The following TTYH3 variants were observed in gnomAD, a reference collection of about 807,000 sequenced individuals.
TTYH3 encodes the protein protein tweety homolog 3.
A neutral mutation model predicts 68.2 loss-of-function variants in TTYH3; 23 were observed. The observed-to-expected ratio is 0.34, with a 90% CI of 0.24 to 0.48. The LOEUF (loss-of-function observed/expected upper bound fraction) is 0.48, where lower values mean the gene tolerates loss of function less well. TTYH3 is among the 20% of genes least tolerant of loss of function. The pLI is 0.99. For missense variants in TTYH3, 768 were observed against 727.7 expected (o/e 1.06, Z -0.64); for synonymous variants, 360 against 332.8 (o/e 1.08, Z -0.89).
chr7:2,640,565 C>T (rs1785813327), intron 1 of TTYH3, among the ~76,000 whole-genome samples: 1 of 152,228 alleles, frequency 6.6e-6, no homozygotes, highest in African/African-American at 2.4e-5. Flanking sequence ...AGGCAGTGTG[C>T]CCTGCCCTGC....
chr7:2,632,418 A>C, intron 1 of TTYH3, 140 bp downstream of exon 1: 1 of 871,794 alleles, frequency 1.1e-6, no homozygotes, highest in Non-Finnish European at 1.6e-6. Context: ...TCCTCCTCGC[A>C]GGTACCGGCC....
chr7:2,634,963 T>A (rs1785619308), intron 1 of TTYH3, among the ~76,000 whole-genome samples: 2 of 151,564 alleles, frequency 1.3e-5, no homozygotes, highest in Non-Finnish European at 2.9e-5. Context: ...GATTAGAAGC[T>A]GATGGGGGCT....
At position 2,645,722 on chromosome 7, in the gene TTYH3, C is replaced by T. The variant is rs1785961474; in HGVS notation, c.124-1131C>T. 4.3e-6 allele frequency: 2 copies of T among 465,588 alleles called. No individual in the cohort carries two copies. The highest frequency in any genetic ancestry group is 8.9e-6 in the Non-Finnish European group (2 of 224,112). The allele number at this position is 465,588 out of a possible 1,614,324, so 28.8% of individuals were successfully genotyped here. Reference sequence around the variant, plus strand: ...AGTGCAGCTTCTCGGTGCACAGACCCCAGACAGGATCAGACTCCTGATGGG... The same window carrying T: ...AGTGCAGCTTCTCGGTGCACAGACCTCAGACAGGATCAGACTCCTGATGGG... On this transcript the variant is annotated intron_variant, in intron 1 of 13. Transcript: ENST00000258796. This position sits in a 1 kb window ranked among gnomAD's most constrained non-coding sequence, Gnocchi z 4.8.
In TTYH3 at chr7:2,655,787, G is replaced by A. The variant is rs368185938; in HGVS notation, c.1021-305G>A. 1.5e-4 allele frequency among the ~76,000 whole-genome samples: 23 copies of A among 152,310 alleles called. No homozygotes were observed. The South Asian group carries it at 4.6e-3, about 30-fold the overall frequency. On this transcript the variant is annotated intron_variant, in intron 9 of 13. Coordinates refer to ENST00000258796, the MANE Select transcript of TTYH3 (RefSeq NM_025250.3). ...CGTGTCAGTAGACACGTGGGGGTTC[G>A]CTGTTTCTCCCATTACAATAAAGGG...
chr7:2,650,198 G>T (rs977894948), intron 7 of TTYH3, among the ~76,000 whole-genome samples: 1 of 152,234 alleles, frequency 6.6e-6, no homozygotes, highest in Non-Finnish European at 1.5e-5. Context: ...GTGGGGTGGC[G>T]GGTGCCCGCG....
Position 2,659,661 on chromosome 7 carries a change from C to T in TTYH3, c.1500+646C>T, listed in dbSNP as rs573521424. Among the ~76,000 whole-genome samples, 14 of 152,226 alleles carry T rather than the reference C, an allele frequency of 9.2e-5. 1 individual carries two copies. The highest frequency in any genetic ancestry group is 4.1e-4 in the South Asian group (2 of 4,828). ...ACCGGGGAGGGGGCGGCCGGGCTAC[C>T]AGGACAGGGCTTGGGAGGCCGAAGG... On this transcript the variant is annotated intron_variant, in intron 13 of 13. Coordinates refer to ENST00000258796, the MANE Select transcript of TTYH3 (RefSeq NM_025250.3).
At chr7:2,648,102 G>C in intron 5 of TTYH3, 48 bp downstream of exon 5, 1 of 1,556,480 alleles carries the variant, frequency 6.4e-7, no homozygotes, top group Non-Finnish European at 8.7e-7. Context: ...CGGAGGGGCA[G>C]GGCAAGGCAC....
rs1378830012 is a variant in TTYH3 at position 2,648,757 on chromosome 7, G to T, written c.722+703G>T. Among the ~76,000 whole-genome samples, 3 of 144,844 alleles carry T rather than the reference G, an allele frequency of 2.1e-5. 1 individual carries two copies. The highest frequency in any genetic ancestry group is 4.5e-5 in the Non-Finnish European group (3 of 66,784). ...GTGTGAAGGCCTGCAGTAGGGTGGT[G>T]GGGGGGGGTGCAGCTTCACGCTGTG... On this transcript the variant is annotated intron_variant, in intron 5 of 13. Transcript: ENST00000258796.
In TTYH3 at chr7:2,645,664, G is replaced by C; in HGVS notation, c.124-1189G>C. 2 of 403,256 alleles carry C rather than the reference G, an allele frequency of 5.0e-6. No homozygotes were observed. Among genetic ancestry groups the C allele is most frequent in the Non-Finnish European group, 1.0e-5 (2 of 193,036 alleles). 25.0% of individuals were successfully genotyped at this position (403,256 alleles called of 1,614,324 possible). Reference sequence around the variant, plus strand: ...GGCCAGCCCCACCATCTCATCCAGCGTGGGGGCACGCCATGGACGGTGCCC... The same window carrying C: ...GGCCAGCCCCACCATCTCATCCAGCCTGGGGGCACGCCATGGACGGTGCCC... On this transcript the variant is annotated intron_variant, in intron 1 of 13. Transcript: ENST00000258796. This position sits in a 1 kb window ranked among gnomAD's most constrained non-coding sequence, Gnocchi z 4.8.
At chr7:2,649,827 G>T in intron 6 of TTYH3, 86 bp from the exon 7 acceptor site, 1 of 1,519,902 alleles carries the variant, frequency 6.6e-7, no homozygotes, top group South Asian at 1.2e-5. Context: ...GTTGAAAGCA[G>T]ACTCCAGGGG....
At chr7:2,656,008 T>TG in intron 9 of TTYH3, 84 bp from the exon 10 acceptor site, 2 of 1,123,572 alleles carry the variant, frequency 1.8e-6, no homozygotes, top group Non-Finnish European at 2.6e-6. Flanking sequence ...GAGGGAGACC[T>TG]GGGGGCTTCC....
intron 13 of TTYH3, among the ~76,000 whole-genome samples, chr7:2,659,604 C>G (rs1403632159): frequency 6.6e-6 from 1 of 152,118 alleles, no homozygotes; most frequent in Admixed American, 6.5e-5. Context: ...GACAGGGTGC[C>G]GAAGAGAAGG....
In TTYH3 at chr7:2,658,928, C is replaced by T. The variant is rs967679311; in HGVS notation, c.1425-12C>T. ...AGCAGGCACTCACAGCCTCTCTCCC[C>T]TCATGCCTCAGGAGCCAGAACGCTA... On this transcript the variant is annotated splice_polypyrimidine_tract_variant and intron_variant, in intron 12 of 13. Transcript: ENST00000258796. 6.2e-7 allele frequency: 1 copy of T among 1,613,866 alleles called. No homozygotes were observed. Among genetic ancestry groups the T allele is most frequent in the Non-Finnish European group, 8.5e-7 (1 of 1,179,790 alleles).
At chr7:2,634,151 T>C (rs1785596577) in intron 1 of TTYH3, among the ~76,000 whole-genome samples, 9 of 152,160 alleles carry the variant, frequency 5.9e-5, no homozygotes, top group Admixed American at 5.9e-4. Context: ...CCGGCCTGCC[T>C]CCATCCCCCG....
intron 7 of TTYH3, among the ~76,000 whole-genome samples, chr7:2,650,212 C>G (rs116416585): frequency 8.7e-4 from 133 of 152,296 alleles, no homozygotes; most frequent in African/African-American, 3.1e-3. Context: ...GCCCGCGTGG[C>G]AGGGGGAGCG....
rs566726381 is a variant in TTYH3, at chr7:2,659,326, G to A, written c.1500+311G>A. Among the ~76,000 whole-genome samples, 12 of 152,312 alleles carry A rather than the reference G, an allele frequency of 7.9e-5. No homozygotes were observed. In the East Asian group the frequency reaches 2.1e-3, roughly 27 times the overall value. ...AGCTCTCAGGCCCTTTCCTGGGGAA[G>A]GAGAGTGGGTGGGCGGGCAGATGTG... On this transcript the variant is annotated intron_variant, in intron 13 of 13. Transcript: ENST00000258796.
intron 7 of TTYH3, 95 bp from the exon 8 acceptor site, chr7:2,652,091 AT>A: frequency 9.6e-7 from 1 of 1,038,412 alleles, no homozygotes; most frequent in Non-Finnish European, 1.5e-6. Context: ...ATGCACGCAG[AT>A]GCCCTGAAGA....
chr7:2,652,252 T>C lies in TTYH3; in HGVS notation c.927+10T>C. 1 of 1,610,932 alleles carries C rather than the reference T, an allele frequency of 6.2e-7. No individual in the cohort carries two copies. Among genetic ancestry groups the C allele is most frequent in the Non-Finnish European group, 8.5e-7 (1 of 1,179,752 alleles). ...CAACCCCTTCCAGCAGGTGAGAGCC[T>C]GGGAGGCCGGGACTGGGCTTCAGGA... On this transcript the variant is annotated intron_variant, in intron 8 of 13. Transcript: ENST00000258796.
chr7:2,654,707 C>T (rs1250099602), intron 9 of TTYH3, among the ~76,000 whole-genome samples: 2 of 152,160 alleles, frequency 1.3e-5, no homozygotes, highest in African/African-American at 2.4e-5. Context: ...TGCTTGTAGA[C>T]GCTGTCTTCT....
Sources: gnomAD v4.1 joint callset for allele counts (sites outside exome capture counted in the v4.1 genomes callset) on GRCh38, gnomAD v4.1.1 for gene constraint, Gnocchi (gnomAD v3.1) non-coding constraint, MANE v1.5 for transcripts, NCBI Gene and HGNC (gene_info 2026-07-23, HGNC 2026-07-21) for gene names.